LINC00632: variants seen among roughly 807,000 people sequenced by gnomAD.
LINC00632 encodes the protein long independently transcribed non-coding RNA 632.
chrX:140,790,977 T>C (rs190924196), exon 5 of LINC00632, among the ~76,000 whole-genome samples: 27 of 111,783 alleles, frequency 2.4e-4, no homozygotes, highest in African/African-American at 8.4e-4. Context: ...TTGCTAATGT[T>C]TGTATCTATT....
intron 2 of LINC00632, among the ~76,000 whole-genome samples, chrX:140,722,105 A>G (rs1930737045): frequency 9.0e-6 from 1 of 111,515 alleles, no homozygotes. Flanking sequence ...CTTTCCACAC[A>G]GCACATAGAA....
At chrX:140,773,010 AC>A (rs1163019192) in exon 4 of LINC00632, among the ~76,000 whole-genome samples, 1 of 111,506 alleles carries the variant, frequency 9.0e-6, no homozygotes, top group African/African-American at 3.3e-5. Flanking sequence ...TACTAAAAAT[AC>A]AAAAATTAGC....
At chrX:140,759,469 G>A (rs1372948464) in intron 3 of LINC00632, among the ~76,000 whole-genome samples, 2 of 109,444 alleles carry the variant, frequency 1.8e-5, no homozygotes, top group South Asian at 4.0e-4. Context: ...TCATTCTCCC[G>A]CCTCAGCCTC....
At position 140,787,178 on chromosome X, in the gene LINC00632, GA is replaced by G. The variant is rs113750141; in HGVS notation, n.15205del. Among the ~76,000 whole-genome samples, 76 of 109,240 alleles carry G rather than the reference GA, an allele frequency of 7.0e-4. No individual in the cohort carries two copies. The East Asian group carries it at 0.017, about 24-fold the overall frequency. 94.9% of individuals were successfully genotyped at this position (109,240 alleles called of 115,157 possible). A position where few individuals can be genotyped will look rare whatever the true frequency, so the allele number is the denominator to read the frequency against. ...ACTTCAAAATATATGTTAGCAAAGT[GA>G]AAAAAAACAAATTCTCAAATAATTT... On this transcript the variant is annotated non_coding_transcript_exon_variant, in exon 5 of 5. Transcript: ENST00000648200.
chrX:140,743,493 C>T (rs1337937238), intron 3 of LINC00632, among the ~76,000 whole-genome samples: 1 of 109,667 alleles, frequency 9.1e-6, no homozygotes, highest in Non-Finnish European at 1.9e-5. Context: ...CCCTTTCTAC[C>T]CTGAATAGTA....
chrX:140,770,498 C>T (rs956026166), intron 3 of LINC00632, among the ~76,000 whole-genome samples: 3 of 112,156 alleles, frequency 2.7e-5, no homozygotes, highest in African/African-American at 9.7e-5. Flanking sequence ...GATCACGCCA[C>T]TGCACTCCAG....
At chrX:140,765,260 G>A (rs1400549362) in intron 3 of LINC00632, among the ~76,000 whole-genome samples, 1 of 110,837 alleles carries the variant, frequency 9.0e-6, no homozygotes, top group Non-Finnish European at 1.9e-5. Context: ...GGAAGGGGCA[G>A]GGACTGAGCC....
chrX:140,776,598 C>T (rs1468295083), exon 5 of LINC00632, among the ~76,000 whole-genome samples: 3 of 112,421 alleles, frequency 2.7e-5, no homozygotes, highest in African/African-American at 9.7e-5. Context: ...ATCCGCCGCG[C>T]GTTAGGCCAG....
chrX:140,723,427 C>CACAT (rs1930779155), intron 2 of LINC00632, among the ~76,000 whole-genome samples: 2 of 4,297 alleles, frequency 4.7e-4, no homozygotes, highest in African/African-American at 1.3e-3. Flanking sequence ...TCCATACACA[C>CACAT]ACATTCCATA....
At chrX:140,732,240 C>T (rs1222836912) in intron 2 of LINC00632, among the ~76,000 whole-genome samples, 2 of 111,027 alleles carry the variant, frequency 1.8e-5, no homozygotes, top group African/African-American at 6.5e-5. Flanking sequence ...CAAAAAAAAC[C>T]ATTACAGGCC....
chrX:140,778,474 G>C (rs1352842164), exon 5 of LINC00632, among the ~76,000 whole-genome samples: 1 of 110,785 alleles, frequency 9.0e-6, no homozygotes, highest in Admixed American at 9.6e-5. Context: ...GCGTGGTGGT[G>C]CATGCCTGTA....
At chrX:140,733,415 C>A (rs1287877524) in intron 2 of LINC00632, among the ~76,000 whole-genome samples, 1 of 111,576 alleles carries the variant, frequency 9.0e-6, no homozygotes, top group South Asian at 3.7e-4. Flanking sequence ...GCATTTTTAT[C>A]CCAGCTCCAT....
At chrX:140,710,564 T>C (rs890191814) in intron 1 of LINC00632, among the ~76,000 whole-genome samples, 1 of 110,060 alleles carries the variant, frequency 9.1e-6, no homozygotes, top group Admixed American at 9.8e-5. Context: ...TAGCAGAGAT[T>C]CTTATCAACG....
At chrX:140,725,406 C>T (rs1027238161) in intron 2 of LINC00632, among the ~76,000 whole-genome samples, 4 of 60,432 alleles carry the variant, frequency 6.6e-5, no homozygotes, top group African/African-American at 1.7e-4. Flanking sequence ...CATACACTTA[C>T]GCAGACACAT....
At chrX:140,749,314 T>C (rs1931376146) in intron 3 of LINC00632, among the ~76,000 whole-genome samples, 1 of 112,208 alleles carries the variant, frequency 8.9e-6, no homozygotes, top group Non-Finnish European at 1.9e-5. Context: ...TAAAACTTTT[T>C]AACATTAGGA....
chrX:140,723,891 C>T (rs1253483262), intron 2 of LINC00632, among the ~76,000 whole-genome samples: 1 of 2,189 alleles, frequency 4.6e-4, no homozygotes, highest in Non-Finnish European at 1.1e-3. Flanking sequence ...AACAGACACA[C>T]GCTCCATACA....
In LINC00632 at chrX:140,762,242, A is replaced by AGAGAGAGC. The variant is rs1286418753; in HGVS notation, n.192-9835_192-9834insAGAGAGCG. ...GAGAGAGAGAGAGAGAGAGAGAGAG[A>AGAGAGAGC]GCACTCTTATCTTTCCCCACTAGAT... is the stretch of plus-strand genomic sequence containing the variant. On this transcript the variant is annotated intron_variant and non_coding_transcript_variant, in intron 3 of 4. Coordinates refer to ENST00000648200, the Ensembl canonical transcript of LINC00632. Among the ~76,000 whole-genome samples, 460 of 99,774 alleles carry AGAGAGAGC rather than the reference A, an allele frequency of 4.6e-3. 5 individuals carry two copies. Among genetic ancestry groups the AGAGAGAGC allele is most frequent in the Non-Finnish European group, 7.0e-3 (349 of 49,824 alleles). The allele number at this position is 99,774 out of a possible 115,157, so 86.6% of individuals were successfully genotyped here.
intron 2 of LINC00632, among the ~76,000 whole-genome samples, chrX:140,716,880 ATTT>A (rs1393152104): frequency 9.0e-6 from 1 of 110,767 alleles, no homozygotes; most frequent in Non-Finnish European, 1.9e-5. Flanking sequence ...TATCACACAT[ATTT>A]TTGTTTCACA....
At chrX:140,742,836 T>A (rs189585368) in intron 3 of LINC00632, among the ~76,000 whole-genome samples, 2 of 43,384 alleles carry the variant, frequency 4.6e-5, no homozygotes, top group Admixed American at 3.8e-4. Context: ...TGGTAGAAGG[T>A]GATAGAGAGA....
Sources: allele counts gnomAD v4.1 joint callset (sites outside exome capture counted in the v4.1 genomes callset), GRCh38; gene constraint gnomAD v4.1.1; transcripts MANE v1.5; gene names NCBI Gene and HGNC (gene_info 2026-07-23, HGNC 2026-07-21).